Variants in PRR12 observed in about 807,000 individuals in gnomAD.
PRR12 encodes the protein proline-rich protein 12.
Under a neutral mutation model 138.0 loss-of-function variants are expected in PRR12, and 12 were observed. That is an observed-to-expected ratio of 0.09 (90% CI 0.06 to 0.14). PRR12 has a LOEUF of 0.14. PRR12 is among the 10% of genes least tolerant of loss of function. The pLI is 1.00. For synonymous variants in PRR12, 1,567 were observed against 1,291.7 expected (o/e 1.21, Z -4.57); for missense variants, 2,692 against 2,861.3 (o/e 0.94, Z 1.35).
chr19:49,609,103 C>G (rs1364492101), intron 6 of PRR12, among the ~76,000 whole-genome samples: 1 of 152,128 alleles, frequency 6.6e-6, no homozygotes, highest in African/African-American at 2.4e-5. Context: ...CGCTTGCGCT[C>G]AGGAGTTCAA....
intron 6 of PRR12, among the ~76,000 whole-genome samples, chr19:49,612,854 G>A (rs985794869): frequency 2.6e-5 from 4 of 151,744 alleles, no homozygotes; most frequent in Admixed American, 6.6e-5. Flanking sequence ...AGTAGAGGTG[G>A]GGTTTCACCA....
rs762743438 is a variant in PRR12 at position 49,601,621 on chromosome 19, G to T, written c.4476G>T (p.Thr1492=). ...LPSPPPLVAP[T]PSSPPPPPLP... ...CGCCACCCCCGCTGGTGGCCCCCAC[G>T]CCCAGCTCACCACCGCCACCGCCGC... is the stretch of plus-strand genomic sequence containing the variant. Residue 1492 remains threonine, a synonymous_variant, in exon 6 of 14, where the codon ACG becomes ACT. Transcript: ENST00000418929. 6.6e-7 allele frequency: 1 copy of T among 1,524,512 alleles called. No individual in the cohort carries two copies. 94.4% of individuals were successfully genotyped at this position (1,524,512 alleles called of 1,614,324 possible).
chr19:49,616,170 A>G lies in PRR12; in HGVS notation c.5448A>G (p.Pro1816=), dbSNP rs775604958. 53 of 1,558,340 alleles carry G rather than the reference A, an allele frequency of 3.4e-5. No homozygotes were observed. Among genetic ancestry groups the G allele is most frequent in the Non-Finnish European group, 4.5e-5 (52 of 1,151,608 alleles). ...ACGCTACAGCAGGCGGGGGCCCACC[A>G]GGCAGCTCCTCGGACTCGGAGTCCT... The part of the protein sequence containing the change: ...GGNATAGGGP[P]GSSSDSESSP... Residue 1816 remains proline (P), a synonymous_variant, in exon 9 of 14, where the codon CCA becomes CCG. Transcript: ENST00000418929. The surrounding 1 kb of genome is among the most constrained non-coding windows in gnomAD (Gnocchi z 4.2).
rs201667848 is a variant in PRR12 at position 49,596,283 on chromosome 19, C to T, written c.1948C>T (p.Pro650Ser). 362 of 1,611,444 alleles carry T rather than the reference C, an allele frequency of 2.2e-4. 4 individuals are homozygous for T. Among genetic ancestry groups the T allele is most frequent in the Middle Eastern group, 2.2e-3 (13 of 6,032 alleles). The change falls in exon 4 of 14, where the codon CCC (proline) becomes TCC (serine). Residue 650 changes from proline to serine, a missense_variant. Physicochemically the swap from Pro to Ser is moderately conservative, Grantham distance 74. Around this residue, in one of 11 missense-constraint regions of PRR12, gnomAD observed 840 missense variants for 689.8 expected, o/e 1.22. Transcript: ENST00000418929. The surrounding 1 kb of genome is among the most constrained non-coding windows in gnomAD (Gnocchi z 5.6). ...CCTTATCCAGCACCTCTTGCAGGCGCCCAGCCCTCCTCGGACCTCAGGGGC... is the reference window on the plus strand; with the variant it reads ...CCTTATCCAGCACCTCTTGCAGGCGTCCAGCCCTCCTCGGACCTCAGGGGC... The part of the protein sequence containing the change: ...EFLIQHLLQA[P>S]SPPRTSGADG...
At position 49,591,400 on chromosome 19, in the gene PRR12, T is replaced by C. The variant is rs1340072348; in HGVS notation, c.-255T>C. On this transcript the variant is annotated 5_prime_UTR_variant, in exon 1 of 14. Coordinates refer to ENST00000418929, the MANE Select transcript of PRR12 (RefSeq NM_020719.3). ...GTCCCTCCTCCCCCCTTCCCTCCTCTAGGGGGAACCCCCCTTCCCCCTTCC... is the reference window on the plus strand; with the variant it reads ...GTCCCTCCTCCCCCCTTCCCTCCTCCAGGGGGAACCCCCCTTCCCCCTTCC... 4.9e-5 allele frequency among the ~76,000 whole-genome samples: 7 copies of C among 141,644 alleles called. 1 individual carries two copies. The highest frequency in any genetic ancestry group is 1.6e-4 in the African/African-American group (6 of 37,782). The allele number at this position is 141,644 out of a possible 152,430, so 92.9% of individuals were successfully genotyped here.
intron 6 of PRR12, among the ~76,000 whole-genome samples, chr19:49,610,036 G>A (rs1413436702): frequency 7.9e-5 from 12 of 151,558 alleles, no homozygotes; most frequent in South Asian, 2.1e-4. Context: ...GTGCGATGGC[G>A]CGATCTCGGC....
At chr19:49,624,484 A>C (rs907328873) in intron 11 of PRR12, among the ~76,000 whole-genome samples, 4 of 150,588 alleles carry the variant, frequency 2.7e-5, no homozygotes, top group Non-Finnish European at 4.4e-5. Context: ...TGGGGCTGGG[A>C]ATTCTGGGGT....
Position 49,597,323 on chromosome 19 carries a change from C to T in PRR12, c.2988C>T (p.Gly996=), listed in dbSNP as rs1340560370. ...AYDPYGPYCP[G]RASGAGPETP... The stretch of plus-strand genomic sequence containing the variant: ...ATCCCTATGGGCCCTACTGTCCTGG[C>T]CGGGCGTCGGGAGCCGGGCCCGAGA... Residue 996 remains glycine, a synonymous_variant, in exon 4 of 14, where the codon GGC becomes GGT. Transcript: ENST00000418929. The surrounding 1 kb of genome is among the most constrained non-coding windows in gnomAD (Gnocchi z 6.3). The T allele has an allele frequency of 1.9e-6, 3 of 1,548,256 alleles. No individual in the cohort carries two copies. The highest frequency in any genetic ancestry group is 1.9e-5 in the Admixed American group (1 of 51,884).
chr19:49,603,429 G>A (rs184179654), intron 6 of PRR12, among the ~76,000 whole-genome samples: 1 of 152,208 alleles, frequency 6.6e-6, no homozygotes, highest in East Asian at 1.9e-4. Context: ...GGCGGTTCAC[G>A]CCTGTAATCC....
At chr19:49,605,994 A>G (rs995770390) in intron 6 of PRR12, among the ~76,000 whole-genome samples, 3 of 152,018 alleles carry the variant, frequency 2.0e-5, no homozygotes, top group South Asian at 2.1e-4. Flanking sequence ...GCCACTTATT[A>G]TTATTTTTTT....
In PRR12 at chr19:49,626,258, G is replaced by C. The variant is rs1334405097; in HGVS notation, c.*651G>C. The C allele has an allele frequency of 6.6e-6, 1 of 151,398 alleles. No homozygotes were observed. Among genetic ancestry groups the C allele is most frequent in the South Asian group, 2.1e-4 (1 of 4,764 alleles). The allele number at this position is 151,398 out of a possible 1,614,324, so 9.4% of individuals were successfully genotyped here. On this transcript the variant is annotated 3_prime_UTR_variant, in exon 14 of 14. Coordinates refer to ENST00000418929, the MANE Select transcript of PRR12 (RefSeq NM_020719.3). ...CACCCACTGCCCATCCCCCATTGTTGTCTGGATGTGGTTCTATTTTTTATC... is the reference window on the plus strand; with the variant it reads ...CACCCACTGCCCATCCCCCATTGTTCTCTGGATGTGGTTCTATTTTTTATC...
intron 9 of PRR12, 148 bp from the exon 10 acceptor site, chr19:49,620,204 C>G: frequency 9.3e-7 from 1 of 1,078,560 alleles, no homozygotes; most frequent in Non-Finnish European, 1.3e-6. Flanking sequence ...GTGGCACTGG[C>G]GCTTGCCTGT....
intron 1 of PRR12, 50 bp downstream of exon 1, chr19:49,591,790 A>AGCCGGGCCGGGCCGGGCCGGGCCGG (rs146415405): frequency 9.4e-7 from 1 of 1,069,310 alleles, no homozygotes; most frequent in Non-Finnish European, 1.2e-6. Context: ...GTGGGAGCCC[A>AGCCGGGCCGGGCCGGGCCGGGCCGG]GCCGGGCCGG....
chr19:49,625,233 G>A lies in PRR12; in HGVS notation c.5964+33G>A. The A allele has an allele frequency of 6.3e-7, 1 of 1,594,542 alleles. No homozygotes were observed. Among genetic ancestry groups the A allele is most frequent in the Non-Finnish European group, 8.6e-7 (1 of 1,162,980 alleles). On this transcript the variant is annotated intron_variant, in intron 13 of 13. Transcript: ENST00000418929. This position sits in a 1 kb window ranked among gnomAD's most constrained non-coding sequence, Gnocchi z 5.5. ...CCACCCACAGCACCCATCGCCCTGG[G>A]ATTCCAACCTTTCTGACTTCCTCTT...
intron 6 of PRR12, among the ~76,000 whole-genome samples, chr19:49,604,363 CAAA>C (rs758315046): frequency 5.5e-5 from 5 of 91,296 alleles, no homozygotes. Context: ...GAGACTGTCT[CAAA>C]AAAAAAAAAA....
At position 49,598,129 on chromosome 19, in the gene PRR12, A is replaced by G. The variant is rs1599788334; in HGVS notation, c.3678+116A>G. The G allele has an allele frequency of 5.2e-6, 6 of 1,143,422 alleles. No individual in the cohort carries two copies. The East Asian group carries it at 1.6e-4, about 31-fold the overall frequency. 70.8% of individuals were successfully genotyped at this position (1,143,422 alleles called of 1,614,324 possible). A position where few individuals can be genotyped will look rare whatever the true frequency, so the allele number is the denominator to read the frequency against. Reference sequence around the variant, plus strand: ...CGCTCTGTCGTCCAGGCTGGAGTGCAGTGGCACGATCTCGGTTCACTGCAA... The same window carrying G: ...CGCTCTGTCGTCCAGGCTGGAGTGCGGTGGCACGATCTCGGTTCACTGCAA... On this transcript the variant is annotated intron_variant, in intron 4 of 13. Transcript: ENST00000418929.
intron 6 of PRR12, among the ~76,000 whole-genome samples, chr19:49,611,372 C>T (rs982476915): frequency 1.3e-5 from 2 of 151,748 alleles, no homozygotes; most frequent in African/African-American, 4.8e-5. Flanking sequence ...CACAGTGGCT[C>T]ACGCTTGTAA....
chr19:49,593,680 GC>G (rs1323458843), intron 2 of PRR12, among the ~76,000 whole-genome samples: 23 of 151,842 alleles, frequency 1.5e-4, no homozygotes, highest in Admixed American at 1.5e-3. Flanking sequence ...GTTACCATCA[GC>G]CCCCAAATCC....
At chr19:49,605,188 G>A (rs552759392) in intron 6 of PRR12, among the ~76,000 whole-genome samples, 1 of 152,078 alleles carries the variant, frequency 6.6e-6, no homozygotes, top group South Asian at 2.1e-4. Flanking sequence ...AAGGCACAGA[G>A]AGATAAAGTA....
Sources: allele counts gnomAD v4.1 joint callset (sites outside exome capture counted in the v4.1 genomes callset), GRCh38; gene constraint gnomAD v4.1.1; regional missense constraint gnomAD v4.1.1; non-coding constraint Gnocchi (gnomAD v3.1); transcripts MANE v1.5; gene names NCBI Gene and HGNC (gene_info 2026-07-23, HGNC 2026-07-21).